Variants in INSL6 observed in about 807,000 individuals in gnomAD.
INSL6 encodes insulin-like peptide INSL6.
Under a neutral mutation model 9.4 loss-of-function variants are expected in INSL6, and 16 were observed. The observed-to-expected ratio is 1.70, with a 90% CI of 1.15 to 2.59. The LOEUF is 2.59. Among genes scored for constraint, INSL6 ranks in the 30% most tolerant of loss-of-function variants. The pLI is 0.00. For missense variants in INSL6, 391 were observed against 257.3 expected (o/e 1.52, Z -3.56); for synonymous variants, 154 against 96.9 (o/e 1.59, Z -3.46).
chr9:5,072,629 G>A, the INSL6 span: 9 of 1,584,068 alleles, frequency 5.7e-6, no homozygotes, highest in Non-Finnish European at 7.7e-6. Context: ...ATTCAGAGGT[G>A]TGTATGTTCT....
intron 2 of INSL6, among the ~76,000 whole-genome samples, chr9:5,148,349 A>G (rs1824643380): frequency 1.3e-5 from 2 of 152,152 alleles, no homozygotes; most frequent in African/African-American, 4.8e-5. Flanking sequence ...GCTTGAGAGC[A>G]GTAGGTTCTT....
the INSL6 span, chr9:5,100,680 C>G: frequency 2.0e-5 from 3 of 152,218 alleles, no homozygotes; most frequent in Non-Finnish European, 4.4e-5. Context: ...TTCGGCTCAT[C>G]ACAGCCTGAT....
At chr9:5,130,997 G>A (rs1222574233) in intron 3 of INSL6, among the ~76,000 whole-genome samples, 2 of 151,920 alleles carry the variant, frequency 1.3e-5, no homozygotes, top group Admixed American at 6.6e-5. Flanking sequence ...CCAAAGTGTC[G>A]GGATTACAGG....
the INSL6 span, among the ~76,000 whole-genome samples, chr9:5,035,835 C>G: frequency 2.0e-5 from 3 of 152,184 alleles, no homozygotes; most frequent in Non-Finnish European, 4.4e-5. Context: ...CAGGGATGCC[C>G]TCTCTCACCA....
At chr9:5,069,965 T>A in the INSL6 span, 5 of 1,607,260 alleles carry the variant, frequency 3.1e-6, no homozygotes, top group Non-Finnish European at 4.3e-6. Context: ...ATGGTGTTTC[T>A]GATGTACCAA....
the INSL6 span, chr9:5,085,759 C>A: frequency 2.6e-6 from 2 of 754,768 alleles, no homozygotes; most frequent in Non-Finnish European, 5.0e-6. Context: ...CTAGCTTGCA[C>A]ATGTCGGGAG....
At chr9:5,079,007 G>T in the INSL6 span, among the ~76,000 whole-genome samples, 2 of 152,124 alleles carry the variant, frequency 1.3e-5, no homozygotes, top group African/African-American at 4.8e-5. Flanking sequence ...TGTTATCTTA[G>T]ATAATTTCTC....
chr9:5,185,620 A>C lies in INSL6; in HGVS notation c.-18T>G, dbSNP rs780287652. ...CGCGGCATCCCTGTGACCCCAGGCT[A>C]GTCCTCCGCGTTGTGCAATGGCGGT... On this transcript the variant is annotated 5_prime_UTR_variant, in exon 1 of 2. Coordinates refer to ENST00000381641, the MANE Select transcript of INSL6 (RefSeq NM_007179.3). The C allele has an allele frequency of 1.2e-6, 2 of 1,604,124 alleles. No homozygotes were observed. Among genetic ancestry groups the C allele is most frequent in the East Asian group, 4.5e-5 (2 of 44,640 alleles).
chr9:5,050,575 T>C, the INSL6 span: 4 of 1,149,366 alleles, frequency 3.5e-6, no homozygotes, highest in Middle Eastern at 2.2e-4. Context: ...CTGGCCAATT[T>C]GTATCTTGTA....
chr9:5,050,572 A>G, the INSL6 span: 10 of 1,124,736 alleles, frequency 8.9e-6, no homozygotes, highest in African/African-American at 4.8e-5. Context: ...AGCCTGGCCA[A>G]TTTGTATCTT....
At chr9:5,078,303 T>A in the INSL6 span, 6 of 1,609,988 alleles carry the variant, frequency 3.7e-6, no homozygotes, top group Non-Finnish European at 5.1e-6. Context: ...TTAACTCTAA[T>A]AGGAAGAAAA....
At chr9:5,112,056 G>A in the INSL6 span, 1 of 406,166 alleles carries the variant, frequency 2.5e-6, no homozygotes, top group Non-Finnish European at 4.9e-6. Context: ...CTACGACGGG[G>A]GTCTCCACGG....
chr9:5,025,101 G>A, the INSL6 span, among the ~76,000 whole-genome samples: 1 of 151,956 alleles, frequency 6.6e-6, no homozygotes, highest in African/African-American at 2.4e-5. Context: ...CCTATTTTCT[G>A]TAGTTTATAT....
At chr9:5,069,332 C>T in the INSL6 span, 7 of 626,928 alleles carry the variant, frequency 1.1e-5, no homozygotes, top group African/African-American at 5.6e-5. Context: ...TTAATTTTAT[C>T]TTATTCTATT....
At chr9:5,066,450 T>C in the INSL6 span, among the ~76,000 whole-genome samples, 1 of 152,094 alleles carries the variant, frequency 6.6e-6, no homozygotes, top group Non-Finnish European at 1.5e-5. Flanking sequence ...TATAAATACC[T>C]TTTATTGGTT....
chr9:5,135,426 A>T (rs1039786336), intron 2 of INSL6, among the ~76,000 whole-genome samples: 1 of 152,184 alleles, frequency 6.6e-6, no homozygotes, highest in Non-Finnish European at 1.5e-5. Context: ...ACAGTCTCTC[A>T]TATCAGAGTG....
At chr9:5,090,670 A>G in the INSL6 span, 1 of 1,523,858 alleles carries the variant, frequency 6.6e-7, no homozygotes, top group Admixed American at 2.2e-5. Flanking sequence ...AAGGGAATAT[A>G]TAGGGTTAAG....
chr9:5,167,269 T>G (rs903629449), intron 1 of INSL6, among the ~76,000 whole-genome samples: 45 of 152,306 alleles, frequency 3.0e-4, no homozygotes, highest in African/African-American at 1.0e-3. Flanking sequence ...GGAGGTCCCC[T>G]CATGAGCCCA....
At chr9:5,049,597 GTCT>G in the INSL6 span, among the ~76,000 whole-genome samples, 3 of 152,282 alleles carry the variant, frequency 2.0e-5, no homozygotes, top group African/African-American at 7.2e-5. Context: ...CCTATATCAT[GTCT>G]GGTGTTATAA....
Sources: allele counts gnomAD v4.1 joint callset (sites outside exome capture counted in the v4.1 genomes callset), GRCh38; gene constraint gnomAD v4.1.1; transcripts MANE v1.5; gene names NCBI Gene and HGNC (gene_info 2026-07-23, HGNC 2026-07-21).